The following RNF43 variants were observed in gnomAD, a reference collection of about 807,000 sequenced individuals.
RNF43 encodes the protein ring finger protein 43, also known as E3 ubiquitin-protein ligase RNF43.
Under a neutral mutation model 78.4 loss-of-function variants are expected in RNF43, and 37 were observed. The observed-to-expected ratio is 0.47, with a 90% CI of 0.36 to 0.62. The LOEUF is 0.62. RNF43 is among the 20% of genes least tolerant of loss of function. The pLI is 0.00. For synonymous variants in RNF43, 347 were observed against 395.0 expected (o/e 0.88, Z 1.44); for missense variants, 774 against 1,007.9 (o/e 0.77, Z 3.14).
At chr17:58,363,045 A>G (rs1328272069) in intron 5 of RNF43, 11 of 570,992 alleles carry the variant, frequency 1.9e-5, no homozygotes, top group South Asian at 1.4e-4. Flanking sequence ...ATGAAGCCAC[A>G]GAGCTGTAAA....
At position 58,358,747 on chromosome 17, in the gene RNF43, G is replaced by T. The variant is rs755684321; in HGVS notation, c.1029C>A (p.Arg343=). 1 of 1,561,708 alleles carries T rather than the reference G, an allele frequency of 6.4e-7. No individual in the cohort carries two copies. The highest frequency in any genetic ancestry group is 1.9e-5 in the Admixed American group (1 of 53,564). ...QEPGRRLHLI[R]QHPGHAHYHL... ...GGTAGTGGGCATGGCCGGGATGCTG[G>T]CGAATGAGGTGGAGTCTTCGACCTG... The change falls in exon 9 of 10, where the codon CGC becomes CGA. Residue 343 remains arginine, a synonymous_variant. Transcript: ENST00000407977. The surrounding 1 kb of genome is among the most constrained non-coding windows in gnomAD (Gnocchi z 6.2).
chr17:58,380,621 A>G (rs1204051249), intron 2 of RNF43, among the ~76,000 whole-genome samples: 1 of 152,378 alleles, frequency 6.6e-6, no homozygotes, highest in East Asian at 1.9e-4. Context: ...CAAAGACTAA[A>G]GCCAGACAGT....
At chr17:58,404,233 C>T (rs1189271061) in intron 2 of RNF43, among the ~76,000 whole-genome samples, 1 of 152,082 alleles carries the variant, frequency 6.6e-6, no homozygotes, top group Non-Finnish European at 1.5e-5. Context: ...TGATGTCCAA[C>T]AACTAAGGAC....
intron 6 of RNF43, 98 bp downstream of exon 6, chr17:58,362,446 T>C (rs1405335918): frequency 1.4e-5 from 11 of 783,146 alleles, no homozygotes; most frequent in Admixed American, 5.0e-5. Flanking sequence ...GTTCCATAGG[T>C]ATAAAGGTGC....
chr17:58,407,282 G>GT (rs1973932335), intron 2 of RNF43, among the ~76,000 whole-genome samples: 1 of 151,942 alleles, frequency 6.6e-6, no homozygotes, highest in East Asian at 1.9e-4. Flanking sequence ...GTTTCACCAT[G>GT]TTGGCCAGGC....
At chr17:58,405,071 T>C (rs1418628134) in intron 2 of RNF43, among the ~76,000 whole-genome samples, 2 of 125,008 alleles carry the variant, frequency 1.6e-5, no homozygotes, top group African/African-American at 6.8e-5. Context: ...AGTACTTCTT[T>C]TTTTTTTTTT....
Position 58,357,013 on chromosome 17 carries a change from CCT to C in RNF43, c.2308+453_2308+454del, listed in dbSNP as rs1252990044. The stretch of plus-strand genomic sequence containing the variant: ...GGTTCACGCGATTCTCCTGCCTCAG[CCT>C]CCTGAGTAGCTGGGATTATAAGTGC... On this transcript the variant is annotated intron_variant, in intron 9 of 9. Coordinates refer to ENST00000407977, the MANE Select transcript of RNF43 (RefSeq NM_017763.6). This position sits in a 1 kb window ranked among gnomAD's most constrained non-coding sequence, Gnocchi z 4.5. 1 of 579,324 alleles carries C rather than the reference CCT, an allele frequency of 1.7e-6. No individual in the cohort carries two copies. Among genetic ancestry groups the C allele is most frequent in the Non-Finnish European group, 3.1e-6 (1 of 324,470 alleles). The allele number at this position is 579,324 out of a possible 1,614,324, so 35.9% of individuals were successfully genotyped here.
At chr17:58,365,056 AC>A (rs1972922053) in intron 3 of RNF43, among the ~76,000 whole-genome samples, 1 of 152,214 alleles carries the variant, frequency 6.6e-6, no homozygotes, top group African/African-American at 2.4e-5. Flanking sequence ...GCCCAGGCTT[AC>A]CAGGCTAATT....
At chr17:58,368,308 G>A (rs753255255) in intron 3 of RNF43, among the ~76,000 whole-genome samples, 1 of 152,198 alleles carries the variant, frequency 6.6e-6, no homozygotes, top group Non-Finnish European at 1.5e-5. Context: ...AGCATTTTGG[G>A]AGGCCGAGGC....
chr17:58,362,672 A>C lies in RNF43; in HGVS notation c.583-24T>G. The C allele has an allele frequency of 1.9e-6, 3 of 1,571,038 alleles. No individual in the cohort carries two copies. The East Asian group carries it at 7.0e-5, about 37-fold the overall frequency. ...GGCTGGGGAGTGAGCAGAGAGGGAA[A>C]GGGTCATACTTCCGGGATGAGCTGG... On this transcript the variant is annotated intron_variant, in intron 5 of 9. Coordinates refer to ENST00000407977, the MANE Select transcript of RNF43 (RefSeq NM_017763.6).
In RNF43 at chr17:58,363,282, G is replaced by C. The variant is rs139557480; in HGVS notation, c.575C>G (p.Pro192Arg). Residue 192 changes from proline (P) to arginine (R), a missense_variant, in exon 5 of 10, where the codon CCG becomes CGG. Coordinates refer to ENST00000407977, the MANE Select transcript of RNF43 (RefSeq NM_017763.6). ...AHVRIELKEP[P>R]AWPDYDVWIL... The stretch of plus-strand genomic sequence containing the variant: ...GAGGTCTAGTGTGCTTACCCAGGCC[G>C]GGGGCTCCTTCAGCTCAATCCTCAC... The C allele has an allele frequency of 1.2e-6, 2 of 1,613,220 alleles. No homozygotes were observed. The highest frequency in any genetic ancestry group is 2.2e-5 in the South Asian group (2 of 91,068).
intron 2 of RNF43, among the ~76,000 whole-genome samples, chr17:58,399,438 G>A (rs1004388397): frequency 2.4e-4 from 24 of 101,178 alleles, no homozygotes; most frequent in Non-Finnish European, 1.2e-4. Flanking sequence ...AGAGACTTGC[G>A]GGATAATTTC....
intron 9 of RNF43, among the ~76,000 whole-genome samples, chr17:58,355,824 C>T (rs1326573747): frequency 6.6e-6 from 1 of 152,200 alleles, no homozygotes; most frequent in East Asian, 1.9e-4. Context: ...ACTCAGCCTT[C>T]GAGGCCCTGT....
At chr17:58,394,084 G>A (rs1973622061) in intron 2 of RNF43, among the ~76,000 whole-genome samples, 1 of 152,170 alleles carries the variant, frequency 6.6e-6, no homozygotes, top group Non-Finnish European at 1.5e-5. Flanking sequence ...ATGTGGTTGG[G>A]TTGTTTCAGA....
chr17:58,364,279 G>A (rs983742739), intron 3 of RNF43, among the ~76,000 whole-genome samples: 4 of 152,144 alleles, frequency 2.6e-5, no homozygotes, highest in Non-Finnish European at 5.9e-5. Flanking sequence ...TTATCCTTTC[G>A]TCCCCTCCCT....
In RNF43 at chr17:58,357,648, G is replaced by T; in HGVS notation, c.2128C>A (p.Leu710Met). ...CAGGGGCCTGGGGTTTCTGGTAGCA[G>T]CCTCTTGTCCAGGCCTGGAGGTCCA... ...ICGPPGLDKR[L>M]LPETPGPCYS... Residue 710 changes from leucine to methionine, a missense_variant, in exon 9 of 10, where the codon CTG becomes ATG. Physicochemically the swap from Leu to Met is conservative, Grantham distance 15 (BLOSUM62 2). Transcript: ENST00000407977. The surrounding 1 kb of genome is among the most constrained non-coding windows in gnomAD (Gnocchi z 4.5). 6.2e-7 allele frequency: 1 copy of T among 1,613,930 alleles called. No homozygotes were observed. The highest frequency in any genetic ancestry group is 8.5e-7 in the Non-Finnish European group (1 of 1,179,858).
chr17:58,365,711 A>G (rs1972933636), intron 3 of RNF43, among the ~76,000 whole-genome samples: 1 of 152,196 alleles, frequency 6.6e-6, no homozygotes, highest in Admixed American at 6.5e-5. Flanking sequence ...ACCTGCCCCC[A>G]AGAAAGTAAG....
intron 3 of RNF43, among the ~76,000 whole-genome samples, chr17:58,370,072 T>TG (rs1200322283): frequency 2.0e-5 from 2 of 100,514 alleles, no homozygotes; most frequent in East Asian, 7.8e-4. Flanking sequence ...TTTTTTTTTT[T>TG]TTTTTTTTTT....
chr17:58,370,075 T>TG (rs1973052047), intron 3 of RNF43, among the ~76,000 whole-genome samples: 2 of 125,624 alleles, frequency 1.6e-5, no homozygotes, highest in Non-Finnish European at 3.5e-5. Flanking sequence ...TTTTTTTTTT[T>TG]TTTTTTTTTT....
Sources: gnomAD v4.1 joint callset for allele counts (sites outside exome capture counted in the v4.1 genomes callset) on GRCh38, gnomAD v4.1.1 for gene constraint, Gnocchi (gnomAD v3.1) non-coding constraint, MANE v1.5 for transcripts, NCBI Gene and HGNC (gene_info 2026-07-23, HGNC 2026-07-21) for gene names.